Variants in CDKAL1 observed in about 807,000 individuals in gnomAD.
CDKAL1 encodes threonylcarbamoyladenosine tRNA methylthiotransferase.
In CDKAL1, 32 loss-of-function variants were observed where a neutral mutation model predicts 68.2. The observed-to-expected ratio is 0.47, with a 90% CI of 0.35 to 0.63. CDKAL1 has a LOEUF of 0.63. CDKAL1 is among the 30% of genes least tolerant of loss of function. CDKAL1 has a pLI of 0.00. For missense variants in CDKAL1, 606 were observed against 696.7 expected (o/e 0.87, Z 1.47); for synonymous variants, 234 against 244.3 (o/e 0.96, Z 0.39).
chr6:20,671,711 T>A (rs1438860833), intron 5 of CDKAL1, among the ~76,000 whole-genome samples: 1 of 152,146 alleles, frequency 6.6e-6, no homozygotes, highest in Non-Finnish European at 1.5e-5. Context: ...GTTCTAGTGC[T>A]CTTTTATTTT....
intron 7 of CDKAL1, among the ~76,000 whole-genome samples, chr6:20,765,043 G>A (rs1326479834): frequency 2.6e-5 from 4 of 151,820 alleles, no homozygotes; most frequent in Admixed American, 2.0e-4. Flanking sequence ...TTTTTTCAAT[G>A]AGCCTGTTTG....
intron 13 of CDKAL1, among the ~76,000 whole-genome samples, chr6:21,190,543 T>C (rs1297211203): frequency 1.3e-5 from 2 of 152,166 alleles, no homozygotes; most frequent in Non-Finnish European, 2.9e-5. Flanking sequence ...AATTTTTGTA[T>C]TTTTGTAGAG....
intron 6 of CDKAL1, among the ~76,000 whole-genome samples, chr6:20,757,243 C>A (rs1016918810): frequency 1.3e-5 from 2 of 151,992 alleles, no homozygotes; most frequent in Non-Finnish European, 2.9e-5. Flanking sequence ...CCAGCCATTA[C>A]ATTTTTAATA....
intron 8 of CDKAL1, among the ~76,000 whole-genome samples, chr6:20,785,314 CTTTTT>C (rs5874783): frequency 3.1e-5 from 3 of 96,096 alleles, no homozygotes; most frequent in Non-Finnish European, 4.3e-5. Flanking sequence ...ATTTCTTTTT[CTTTTT>C]TTTTTTTTTT....
intron 6 of CDKAL1, among the ~76,000 whole-genome samples, chr6:20,746,673 A>G (rs1773676951): frequency 6.6e-6 from 1 of 152,222 alleles, no homozygotes; most frequent in Non-Finnish European, 1.5e-5. Flanking sequence ...CTGAACATAT[A>G]TTTGATGGAA....
chr6:21,041,194 A>G (rs1055764216), intron 11 of CDKAL1, among the ~76,000 whole-genome samples: 2 of 152,226 alleles, frequency 1.3e-5, no homozygotes, highest in African/African-American at 4.8e-5. Flanking sequence ...TGACTTCTAT[A>G]TACAACACCA....
chr6:21,135,230 G>C (rs1213814884), intron 13 of CDKAL1, among the ~76,000 whole-genome samples: 1 of 151,674 alleles, frequency 6.6e-6, no homozygotes, highest in African/African-American at 2.4e-5. Flanking sequence ...TGAGATTTTT[G>C]TCTTAAAAAA....
At chr6:21,093,201 C>T (rs1773136054) in intron 12 of CDKAL1, among the ~76,000 whole-genome samples, 1 of 152,120 alleles carries the variant, frequency 6.6e-6, no homozygotes. Flanking sequence ...TTCAAAGGAC[C>T]AGGACTCAAA....
At chr6:20,645,747 AATAAATAAAAAT>A (rs1383208977) in intron 4 of CDKAL1, among the ~76,000 whole-genome samples, 4 of 138,740 alleles carry the variant, frequency 2.9e-5, no homozygotes, top group Non-Finnish European at 6.3e-5. Flanking sequence ...TAAATAAATA[AATAAATAAAAAT>A]AAATAAATAA....
intron 13 of CDKAL1, among the ~76,000 whole-genome samples, chr6:21,158,676 A>G (rs983869478): frequency 2.0e-5 from 3 of 152,216 alleles, no homozygotes; most frequent in South Asian, 2.1e-4. Flanking sequence ...CAAGCAAAGC[A>G]TGTATGATGG....
intron 6 of CDKAL1, among the ~76,000 whole-genome samples, chr6:20,754,513 A>G (rs1291553449): frequency 2.0e-5 from 3 of 152,114 alleles, no homozygotes; most frequent in East Asian, 1.9e-4. Context: ...CCCTATTCCT[A>G]CGTTACGGTT....
intron 11 of CDKAL1, among the ~76,000 whole-genome samples, chr6:21,033,746 T>C (rs1344611758): frequency 6.6e-6 from 1 of 152,192 alleles, no homozygotes; most frequent in African/African-American, 2.4e-5. Flanking sequence ...GTGAAAGTAG[T>C]AGCCATAGCC....
intron 15 of CDKAL1, among the ~76,000 whole-genome samples, chr6:21,213,698 G>A (rs571788867): frequency 2.6e-5 from 4 of 152,058 alleles, no homozygotes; most frequent in Non-Finnish European, 4.4e-5. Flanking sequence ...TTCCCCTGCC[G>A]TGTACTATAT....
At chr6:20,737,887 T>G (rs1773267985) in intron 5 of CDKAL1, among the ~76,000 whole-genome samples, 1 of 152,258 alleles carries the variant, frequency 6.6e-6, no homozygotes, top group Non-Finnish European at 1.5e-5. Context: ...ATTCATTTAT[T>G]TAATCATTCT....
intron 9 of CDKAL1, among the ~76,000 whole-genome samples, chr6:20,935,912 G>C (rs1247207967): frequency 6.6e-6 from 1 of 152,112 alleles, no homozygotes; most frequent in African/African-American, 2.4e-5. Context: ...TGGTGTAAGA[G>C]TGCCAGCCTG....
intron 5 of CDKAL1, among the ~76,000 whole-genome samples, chr6:20,703,857 A>AATGTG (rs2127820874): frequency 6.6e-6 from 1 of 152,288 alleles, no homozygotes; most frequent in East Asian, 1.9e-4. Flanking sequence ...TTAATACACA[A>AATGTG]ATGTGTGGAT....
intron 12 of CDKAL1, among the ~76,000 whole-genome samples, chr6:21,071,679 A>AT (rs1424924146): frequency 6.6e-6 from 1 of 151,310 alleles, no homozygotes; most frequent in Non-Finnish European, 1.5e-5. Context: ...GCCATTGTTT[A>AT]TTTTTTAAAA....
At chr6:20,619,340 G>A (rs1202905370) in intron 4 of CDKAL1, among the ~76,000 whole-genome samples, 3 of 152,072 alleles carry the variant, frequency 2.0e-5, no homozygotes, top group Non-Finnish European at 2.9e-5. Flanking sequence ...ACAATATATC[G>A]TATTCTTGAA....
intron 9 of CDKAL1, among the ~76,000 whole-genome samples, chr6:20,890,363 T>C (rs530132460): frequency 6.6e-6 from 1 of 152,348 alleles, no homozygotes; most frequent in South Asian, 2.1e-4. Flanking sequence ...AAGAACTTCC[T>C]CTCTAGTGAT....
Sources: gnomAD v4.1 joint callset for allele counts (sites outside exome capture counted in the v4.1 genomes callset) on GRCh38, gnomAD v4.1.1 for gene constraint, MANE v1.5 for transcripts, NCBI Gene and HGNC (gene_info 2026-07-23, HGNC 2026-07-21) for gene names.